ADAM22: variants seen among roughly 807,000 people sequenced by gnomAD.
ADAM22 encodes disintegrin and metalloproteinase domain-containing protein 22.
A neutral mutation model predicts 144.6 loss-of-function variants in ADAM22; 65 were observed. The observed-to-expected ratio is 0.45, with a 90% CI of 0.37 to 0.55. ADAM22 has a LOEUF of 0.55. Among genes scored for constraint, ADAM22 ranks in the 20% least tolerant of loss-of-function variants. The pLI is 0.00. For synonymous variants in ADAM22, 391 were observed against 412.6 expected (o/e 0.95, Z 0.63); for missense variants, 974 against 1,184.9 (o/e 0.82, Z 2.61).
At chr7:88,168,336 G>T in intron 25 of ADAM22, 109 bp downstream of exon 25, 1 of 1,115,802 alleles carries the variant, frequency 9.0e-7, no homozygotes. Flanking sequence ...TACTTGCAAT[G>T]AAAATCAGCT....
At chr7:88,054,210 A>C (rs1470177502) in intron 3 of ADAM22, among the ~76,000 whole-genome samples, 2 of 152,160 alleles carry the variant, frequency 1.3e-5, no homozygotes, top group African/African-American at 4.8e-5. Flanking sequence ...ATAGGATTAT[A>C]TCTATAGGAT....
At chr7:88,045,888 T>TTATGTGTGTGTG (rs1491121186) in intron 3 of ADAM22, among the ~76,000 whole-genome samples, 1 of 133,926 alleles carries the variant, frequency 7.5e-6, no homozygotes, top group Admixed American at 7.7e-5. Flanking sequence ...TCGTATTCTA[T>TTATGTGTGTGTG]TGTGTGTGTG....
chr7:88,192,366 T>G (rs940970028), intron 30 of ADAM22, among the ~76,000 whole-genome samples: 1 of 152,184 alleles, frequency 6.6e-6, no homozygotes, highest in African/African-American at 2.4e-5. Context: ...AAATTAGCAA[T>G]AGATAGGGGC....
intron 23 of ADAM22, 97 bp from the exon 24 acceptor site, chr7:88,165,735 C>T: frequency 2.6e-6 from 2 of 754,814 alleles, no homozygotes; most frequent in Non-Finnish European, 2.1e-6. Context: ...TTGGAATTAC[C>T]ACATTCTAAG....
intron 17 of ADAM22, among the ~76,000 whole-genome samples, chr7:88,146,877 T>C (rs558964741): frequency 6.6e-6 from 1 of 152,190 alleles, no homozygotes; most frequent in African/African-American, 2.4e-5. Context: ...CAGAGATCTC[T>C]GAAAGCACTC....
At chr7:87,981,214 G>A (rs1853320809) in intron 3 of ADAM22, among the ~76,000 whole-genome samples, 1 of 152,124 alleles carries the variant, frequency 6.6e-6, no homozygotes, top group Non-Finnish European at 1.5e-5. Context: ...AGCACTGTCT[G>A]TGGACTGTGG....
At chr7:88,096,831 A>T (rs1821465392) in intron 4 of ADAM22, among the ~76,000 whole-genome samples, 1 of 152,158 alleles carries the variant, frequency 6.6e-6, no homozygotes, top group African/African-American at 2.4e-5. Flanking sequence ...AGAAATAGTG[A>T]ATGATCAGCT....
At chr7:88,003,050 A>G (rs1792945070) in intron 3 of ADAM22, among the ~76,000 whole-genome samples, 1 of 152,270 alleles carries the variant, frequency 6.6e-6, no homozygotes, top group African/African-American at 2.4e-5. Context: ...ACTAACTGGG[A>G]TCAGAATAAA....
chr7:88,128,452 A>C (rs549535592), intron 8 of ADAM22, 150 bp from the exon 9 acceptor site: 3 of 655,816 alleles, frequency 4.6e-6, no homozygotes, highest in Admixed American at 5.4e-5. Flanking sequence ...TTACCAACTC[A>C]GAAACTAAGC....
intron 28 of ADAM22, 94 bp from the exon 29 acceptor site, chr7:88,181,864 G>A: frequency 8.8e-7 from 1 of 1,132,542 alleles, no homozygotes; most frequent in Non-Finnish European, 1.3e-6. Context: ...CAGTGGTGCT[G>A]CTTATCAATT....
At chr7:88,052,462 T>C (rs971463230) in intron 3 of ADAM22, among the ~76,000 whole-genome samples, 3 of 151,528 alleles carry the variant, frequency 2.0e-5, no homozygotes, top group Non-Finnish European at 4.4e-5. Flanking sequence ...ATCACGCCAC[T>C]GCACTCCATC....
chr7:88,083,590 TGTG>T (rs1394652411), intron 4 of ADAM22, among the ~76,000 whole-genome samples: 1 of 5,800 alleles, frequency 1.7e-4, no homozygotes, highest in African/African-American at 4.0e-4. Context: ...TTTGTGTTTG[TGTG>T]TGTGTGTGTG....
chr7:88,184,366 G>A, intron 29 of ADAM22: 1 of 437,852 alleles, frequency 2.3e-6, no homozygotes, highest in Non-Finnish European at 4.6e-6. Flanking sequence ...AGCCCAGGGG[G>A]CTCTGACAGC....
chr7:88,003,649 G>A (rs1017266598), intron 3 of ADAM22, among the ~76,000 whole-genome samples: 7 of 152,068 alleles, frequency 4.6e-5, no homozygotes, highest in Admixed American at 4.6e-4. Flanking sequence ...CCAAATGGAG[G>A]GCAGGGAATC....
chr7:88,079,682 G>A (rs1296464864), intron 4 of ADAM22, among the ~76,000 whole-genome samples: 2 of 152,114 alleles, frequency 1.3e-5, no homozygotes, highest in East Asian at 1.9e-4. Flanking sequence ...ACAAAAAATG[G>A]CAGGGGTTGC....
chr7:88,120,979 ATGTGGATACACAAT>A (rs1480703648), intron 7 of ADAM22, among the ~76,000 whole-genome samples: 1 of 151,980 alleles, frequency 6.6e-6, no homozygotes, highest in Non-Finnish European at 1.5e-5. Context: ...ATTATTTTGT[ATGTGGATACACAAT>A]TATTTTAATA....
intron 4 of ADAM22, among the ~76,000 whole-genome samples, chr7:88,080,533 C>G (rs1816208809): frequency 6.6e-6 from 1 of 151,936 alleles, no homozygotes; most frequent in Non-Finnish European, 1.5e-5. Context: ...ACAAAAAGCC[C>G]TTCAAAAAAT....
chr7:88,080,589 ATAGACCGT>A (rs1483877794), intron 4 of ADAM22, among the ~76,000 whole-genome samples: 1 of 152,224 alleles, frequency 6.6e-6, no homozygotes, highest in African/African-American at 2.4e-5. Context: ...AACAAAATTG[ATAGACCGT>A]TAGCAAGACT....
At chr7:87,973,793 A>G (rs1851140432) in intron 2 of ADAM22, among the ~76,000 whole-genome samples, 1 of 152,178 alleles carries the variant, frequency 6.6e-6, no homozygotes, top group Non-Finnish European at 1.5e-5. Flanking sequence ...TTGTAGGGAC[A>G]TGGATGAAGC....
Sources: gnomAD v4.1 joint callset for allele counts (sites outside exome capture counted in the v4.1 genomes callset) on GRCh38, gnomAD v4.1.1 for gene constraint, MANE v1.5 for transcripts, NCBI Gene and HGNC (gene_info 2026-07-23, HGNC 2026-07-21) for gene names.